RTKN2: variants seen among roughly 807,000 people sequenced by gnomAD.
RTKN2 encodes the protein rhotekin 2.
Under a neutral mutation model 71.5 loss-of-function variants are expected in RTKN2, and 69 were observed. That is an observed-to-expected ratio of 0.96 (90% CI 0.79 to 1.18). The LOEUF is 1.18. Among genes scored for constraint, RTKN2 ranks in the 50% most tolerant of loss-of-function variants. RTKN2 has a pLI of 0.00. For synonymous variants in RTKN2, 236 were observed against 236.5 expected, an observed-to-expected ratio of 1.00 and a Z score of 0.02; for missense variants, 724 against 719.7, an observed-to-expected ratio of 1.01 and a Z score of -0.07.
intron 9 of RTKN2, among the ~76,000 whole-genome samples, chr10:62,210,542 A>G (rs1348652863): frequency 1.3e-5 from 2 of 152,180 alleles, no homozygotes; most frequent in Non-Finnish European, 2.9e-5. Flanking sequence ...CCTTACAAAC[A>G]TGCTGTAAAG....
At chr10:62,235,381 A>G (rs894922781) in intron 6 of RTKN2, among the ~76,000 whole-genome samples, 4 of 152,182 alleles carry the variant, frequency 2.6e-5, no homozygotes, top group African/African-American at 4.8e-5. Flanking sequence ...TACATACAGC[A>G]ATTTAATTAG....
rs1448979674 is a variant in RTKN2 at position 62,193,714 on chromosome 10, G to A, written c.*4194C>T. 2.1e-5 allele frequency: 21 copies of A among 984,890 alleles called. No homozygotes were observed. The highest frequency in any genetic ancestry group is 6.2e-5 in the Admixed American group (1 of 16,248). 61.0% of individuals were successfully genotyped at this position (984,890 alleles called of 1,614,324 possible). On this transcript the variant is annotated 3_prime_UTR_variant, in exon 12 of 12. Transcript: ENST00000373789. ...GGCTAGTAGCGACTGAATATCCTACGTACCTAATTTACTGCAGTGGCTTAA... is the reference window on the plus strand; with the variant it reads ...GGCTAGTAGCGACTGAATATCCTACATACCTAATTTACTGCAGTGGCTTAA...
At chr10:62,252,202 A>C (rs1475920853) in intron 2 of RTKN2, among the ~76,000 whole-genome samples, 1 of 152,122 alleles carries the variant, frequency 6.6e-6, no homozygotes, top group East Asian at 1.9e-4. Context: ...GATAAAGAAA[A>C]GTACTTTCAG....
intron 2 of RTKN2, among the ~76,000 whole-genome samples, chr10:62,251,289 TTTA>T (rs1842576407): frequency 6.6e-6 from 1 of 152,226 alleles, no homozygotes; most frequent in Non-Finnish European, 1.5e-5. Flanking sequence ...ATTGTTCTAT[TTTA>T]TTATTAGTTA....
At chr10:62,215,004 G>A (rs752672921) in intron 9 of RTKN2, 1 of 1,028,132 alleles carries the variant, frequency 9.7e-7, no homozygotes. Context: ...CTGTAAAACA[G>A]GGCTGTCATC....
At position 62,196,905 on chromosome 10, in the gene RTKN2, G is replaced by A; in HGVS notation, c.*1003C>T. 1 of 983,698 alleles carries A rather than the reference G, an allele frequency of 1.0e-6. No homozygotes were observed. The allele number at this position is 983,698 out of a possible 1,614,324, so 60.9% of individuals were successfully genotyped here. A position where few individuals can be genotyped will look rare whatever the true frequency, so the allele number is the denominator to read the frequency against. On this transcript the variant is annotated 3_prime_UTR_variant, in exon 12 of 12. Transcript: ENST00000373789. ...TGGGTCACTATGATTAGTTGCTATG[G>A]AAATTACCTCCTATGGAAATGATTC...
At chr10:62,254,759 G>T (rs1254725340) in intron 2 of RTKN2, among the ~76,000 whole-genome samples, 3 of 152,034 alleles carry the variant, frequency 2.0e-5, no homozygotes, top group Non-Finnish European at 4.4e-5. Context: ...GGGCAAGATA[G>T]CAAGACCCTG....
intron 9 of RTKN2, among the ~76,000 whole-genome samples, chr10:62,207,680 T>TC (rs1046987904): frequency 1.3e-5 from 2 of 151,864 alleles, no homozygotes; most frequent in African/African-American, 2.4e-5. Flanking sequence ...ATTCCCTGCC[T>TC]CCCCCCCATA....
chr10:62,199,910 G>GAT, intron 10 of RTKN2, 49 bp from the exon 11 acceptor site: 1 of 1,176,916 alleles, frequency 8.5e-7, no homozygotes, highest in South Asian at 1.3e-5. Context: ...TAAATGTGAA[G>GAT]ATATATATTT....
In RTKN2 at chr10:62,258,447, T is replaced by A. The variant is rs542861305; in HGVS notation, c.257+4178A>T. 1.3e-5 allele frequency among the ~76,000 whole-genome samples: 2 copies of A among 152,216 alleles called. 1 individual carries two copies. The highest frequency in any genetic ancestry group is 4.1e-4 in the South Asian group (2 of 4,828). ...GCCCTAAAGAAATCCACACACAGTT[T>A]TGATTTCCTCATTTCTCTAATAAAA... On this transcript the variant is annotated intron_variant, in intron 2 of 11. Coordinates refer to ENST00000373789, the MANE Select transcript of RTKN2 (RefSeq NM_145307.4).
rs1338455116 is a variant in RTKN2, at chr10:62,197,009, T to A, written c.*899A>T. 1 of 973,710 alleles carries A rather than the reference T, an allele frequency of 1.0e-6. No homozygotes were observed. The highest frequency in any genetic ancestry group is 1.2e-6 in the Non-Finnish European group (1 of 819,578). 60.3% of individuals were successfully genotyped at this position (973,710 alleles called of 1,614,324 possible). ...ATCAACTCTTACTAGGAAAAGGAAA[T>A]CTAATTAAAATTTTAAAAAAGAATT... is the stretch of plus-strand genomic sequence containing the variant. On this transcript the variant is annotated 3_prime_UTR_variant, in exon 12 of 12. Transcript: ENST00000373789.
At chr10:62,192,047 G>T (rs1484635213), downstream of RTKN2, among the ~76,000 whole-genome samples, 1 of 150,218 alleles carries the variant, frequency 6.7e-6, no homozygotes, top group Non-Finnish European at 1.5e-5. Context: ...ATATTATAAG[G>T]TTTTTTTTTA....
In RTKN2 at chr10:62,196,879, T is replaced by A. The variant is rs924640230; in HGVS notation, c.*1029A>T. On this transcript the variant is annotated 3_prime_UTR_variant, in exon 12 of 12. Transcript: ENST00000373789. ...TCCTCACTTGACTTTATAATCCTGT[T>A]TGGGTCACTATGATTAGTTGCTATG... 1 of 983,218 alleles carries A rather than the reference T, an allele frequency of 1.0e-6. No homozygotes were observed. The highest frequency in any genetic ancestry group is 1.2e-6 in the Non-Finnish European group (1 of 828,108). The allele number at this position is 983,218 out of a possible 1,614,324, so 60.9% of individuals were successfully genotyped here. A position where few individuals can be genotyped will look rare whatever the true frequency, so the allele number is the denominator to read the frequency against.
chr10:62,211,251 T>C (rs961958760), intron 9 of RTKN2, among the ~76,000 whole-genome samples: 2 of 152,210 alleles, frequency 1.3e-5, no homozygotes, highest in African/African-American at 4.8e-5. Context: ...GTTTTCTGAA[T>C]TTGAAGCAAT....
At chr10:62,227,004 C>T (rs911444392) in intron 6 of RTKN2, among the ~76,000 whole-genome samples, 1 of 152,120 alleles carries the variant, frequency 6.6e-6, no homozygotes, top group Admixed American at 6.5e-5. Flanking sequence ...CACATTATAA[C>T]GTTTCCCACT....
At chr10:62,233,121 G>A (rs1478580787) in intron 6 of RTKN2, among the ~76,000 whole-genome samples, 1 of 152,124 alleles carries the variant, frequency 6.6e-6, no homozygotes, top group Non-Finnish European at 1.5e-5. Context: ...GAACATCTTT[G>A]CCTTTCATAT....
chr10:62,229,748 A>G (rs948007844), intron 6 of RTKN2, among the ~76,000 whole-genome samples: 4 of 152,220 alleles, frequency 2.6e-5, no homozygotes. Context: ...GACTAAAATT[A>G]TGTGATAACC....
At chr10:62,227,401 AG>A (rs950546001) in intron 6 of RTKN2, among the ~76,000 whole-genome samples, 2 of 152,216 alleles carry the variant, frequency 1.3e-5, no homozygotes, top group African/African-American at 4.8e-5. Context: ...AGCCACAAGA[AG>A]AACAGAAGGA....
Position 62,218,211 on chromosome 10 carries a change from C to T in RTKN2, c.872G>A (p.Gly291Glu). 6.2e-7 allele frequency: 1 copy of T among 1,611,452 alleles called. No individual in the cohort carries two copies. Among genetic ancestry groups the T allele is most frequent in the Non-Finnish European group, 8.5e-7 (1 of 1,177,958 alleles). Residue 291 changes from glycine to glutamate, a missense_variant, in exon 8 of 12, where the codon GGA becomes GAA. Transcript: ENST00000373789. ...PACMAEDAFA[G>E]FLNQQQMVEG... The stretch of plus-strand genomic sequence containing the variant: ...TCCTCTAACCTGCTGATTAAGAAAT[C>T]CTGCAAATGCATCCTCAGCCATACA...
Sources: gnomAD v4.1 joint callset for allele counts (sites outside exome capture counted in the v4.1 genomes callset) on GRCh38, gnomAD v4.1.1 for gene constraint, MANE v1.5 for transcripts, NCBI Gene and HGNC (gene_info 2026-07-23, HGNC 2026-07-21) for gene names.